The following MAGI3 variants were observed in gnomAD, a reference collection of about 807,000 sequenced individuals.
The protein encoded by MAGI3 is membrane associated guanylate kinase, WW and PDZ domain containing 3, also known as membrane-associated guanylate kinase, WW and PDZ domain-containing protein 3.
A neutral mutation model predicts 121.8 loss-of-function variants in MAGI3; 43 were observed. That is an observed-to-expected ratio of 0.35 (90% CI 0.28 to 0.46). The LOEUF (loss-of-function observed/expected upper bound fraction) is 0.46. Ranked by LOEUF, MAGI3 falls within the 20% of genes least tolerant of loss-of-function variation. The pLI is 1.00. For synonymous variants in MAGI3, 553 were observed against 639.3 expected (o/e 0.86, Z 2.04); for missense variants, 1,547 against 1,797.3 (o/e 0.86, Z 2.52).
intron 6 of MAGI3, among the ~76,000 whole-genome samples, chr1:113,604,545 G>A (rs1437640579): frequency 3.6e-5 from 4 of 110,934 alleles, no homozygotes; most frequent in Admixed American, 1.4e-4. Context: ...CCAGCCTGGC[G>A]ACAGAGTGAG....
intron 1 of MAGI3, among the ~76,000 whole-genome samples, chr1:113,496,376 G>A (rs1347216576): frequency 6.6e-6 from 1 of 152,142 alleles, no homozygotes; most frequent in Non-Finnish European, 1.5e-5. Flanking sequence ...AATTGGGAAT[G>A]CCAATTGATA....
At chr1:113,513,520 A>G (rs935604951) in intron 1 of MAGI3, among the ~76,000 whole-genome samples, 7 of 152,166 alleles carry the variant, frequency 4.6e-5, no homozygotes, top group African/African-American at 1.2e-4. Context: ...AAAACAAGCA[A>G]TGGGGAAAGG....
chr1:113,618,257 A>G (rs1228738830), intron 7 of MAGI3, among the ~76,000 whole-genome samples: 1 of 151,992 alleles, frequency 6.6e-6, no homozygotes, highest in East Asian at 1.9e-4. Flanking sequence ...ATATCGTTTG[A>G]GCCTGAGAGG....
At position 113,412,706 on chromosome 1, in the gene MAGI3, T is replaced by G. The variant is rs192310088; in HGVS notation, c.316+21357T>G. Among the ~76,000 whole-genome samples the G allele has an allele frequency of 2.1e-3, 314 of 150,716 alleles. 4 individuals are homozygous for G. Among genetic ancestry groups the G allele is most frequent in the African/African-American group, 7.3e-3 (305 of 41,534 alleles). On this transcript the variant is annotated intron_variant, in intron 1 of 20. Transcript: ENST00000307546. ...GTGTCTGTTCATATCCTCTGCCCGC[T>G]TTTTGGTGGGGTTTTTGTTTGTTTT...
intron 1 of MAGI3, among the ~76,000 whole-genome samples, chr1:113,446,018 A>G (rs996297219): frequency 2.6e-5 from 4 of 152,242 alleles, no homozygotes; most frequent in African/African-American, 4.8e-5. Flanking sequence ...TATTGTAACA[A>G]CAGTTTGTAA....
intron 6 of MAGI3, among the ~76,000 whole-genome samples, chr1:113,610,510 T>G (rs981138312): frequency 1.3e-5 from 2 of 152,162 alleles, no homozygotes; most frequent in African/African-American, 4.8e-5. Flanking sequence ...GGCCAAGAGC[T>G]TGTTATTTAT....
At chr1:113,414,590 G>C (rs1307487943) in intron 1 of MAGI3, among the ~76,000 whole-genome samples, 1 of 151,896 alleles carries the variant, frequency 6.6e-6, no homozygotes, top group African/African-American at 2.4e-5. Flanking sequence ...CACCTTCCTG[G>C]TTTAGTCTTC....
intron 1 of MAGI3, among the ~76,000 whole-genome samples, chr1:113,490,679 A>G (rs1656627376): frequency 6.6e-6 from 1 of 152,234 alleles, no homozygotes; most frequent in Non-Finnish European, 1.5e-5. Flanking sequence ...GGATGGAGAA[A>G]AATCTATCAA....
chr1:113,620,865 G>T (rs1167312249), intron 8 of MAGI3, among the ~76,000 whole-genome samples: 1 of 152,144 alleles, frequency 6.6e-6, no homozygotes, highest in Non-Finnish European at 1.5e-5. Flanking sequence ...TATAAAGTAG[G>T]AATAATAATG....
At chr1:113,465,984 C>T (rs946206175) in intron 1 of MAGI3, among the ~76,000 whole-genome samples, 1 of 151,930 alleles carries the variant, frequency 6.6e-6, no homozygotes, top group Admixed American at 6.6e-5. Context: ...GAATGTATGT[C>T]CTTTATTTCT....
chr1:113,627,299 GAT>G (rs1284893771), intron 9 of MAGI3, among the ~76,000 whole-genome samples: 1 of 151,776 alleles, frequency 6.6e-6, no homozygotes, highest in Non-Finnish European at 1.5e-5. Flanking sequence ...GAAGATACTT[GAT>G]ATAATTTTAA....
At chr1:113,560,981 A>G (rs1365722516) in intron 2 of MAGI3, among the ~76,000 whole-genome samples, 4 of 152,216 alleles carry the variant, frequency 2.6e-5, no homozygotes. Flanking sequence ...AAAATACTAT[A>G]AACACCTCTT....
At chr1:113,397,399 G>C (rs1266655599) in intron 1 of MAGI3, among the ~76,000 whole-genome samples, 3 of 152,110 alleles carry the variant, frequency 2.0e-5, no homozygotes, top group Non-Finnish European at 4.4e-5. Flanking sequence ...ACTTGTTTGG[G>C]TTTTGAAAGA....
At position 113,683,099 on chromosome 1, in the gene MAGI3, T is replaced by C. The variant is rs751435074; in HGVS notation, c.3531T>C (p.Asn1177=). Residue 1177 remains asparagine, a synonymous_variant, in exon 21 of 21, where the codon AAT becomes AAC. Transcript: ENST00000307546. The stretch of plus-strand genomic sequence containing the variant: ...AAAAGAAAAGCACTTTAAATGAAAA[T>C]CAGCCTGAGATAAAGCATCAGTCTC... The part of the protein sequence containing the change: ...VPEKKSTLNE[N]QPEIKHQSLL... 1.2e-6 allele frequency: 2 copies of C among 1,613,298 alleles called. No homozygotes were observed. The highest frequency in any genetic ancestry group is 2.2e-5 in the South Asian group (2 of 90,902).
intron 1 of MAGI3, among the ~76,000 whole-genome samples, chr1:113,472,800 A>G (rs908030530): frequency 1.3e-5 from 2 of 151,812 alleles, no homozygotes; most frequent in African/African-American, 4.8e-5. Context: ...ATAACAGTCT[A>G]TTTTAAACTG....
chr1:113,670,330 C>A (rs778193718), intron 16 of MAGI3, among the ~76,000 whole-genome samples: 16 of 152,178 alleles, frequency 1.1e-4, no homozygotes, highest in Non-Finnish European at 2.9e-5. Context: ...AGCAATTTAT[C>A]TGTGTTTTTA....
intron 1 of MAGI3, among the ~76,000 whole-genome samples, chr1:113,398,458 A>G (rs977583582): frequency 2.6e-5 from 4 of 152,158 alleles, no homozygotes; most frequent in African/African-American, 9.7e-5. Flanking sequence ...TACAATGTGA[A>G]CGGTAACCGA....
At position 113,680,714 on chromosome 1, in the gene MAGI3, G is replaced by A. The variant is rs1194566663; in HGVS notation, c.3190-484G>A. Among the ~76,000 whole-genome samples, 3 of 151,886 alleles carry A rather than the reference G, an allele frequency of 2.0e-5. No homozygotes were observed. The East Asian group carries it at 5.8e-4, about 30-fold the overall frequency. On this transcript the variant is annotated intron_variant, in intron 19 of 20. Transcript: ENST00000307546. ...GGAGCTTGCAGTGAGCCGAGGTCTC[G>A]CCACTGCACTCCAGCCTGGGCGACA...
At position 113,470,976 on chromosome 1, in the gene MAGI3, C is replaced by G. The variant is rs543046972; in HGVS notation, c.317-78539C>G. ...GTTGTGTGTGCTTTGAGCATCATAT[C>G]CAAAAAACTCATTGCCCAGACCAAT... On this transcript the variant is annotated intron_variant, in intron 1 of 20. Coordinates refer to ENST00000307546, the MANE Select transcript of MAGI3 (RefSeq NM_001142782.2). Among the ~76,000 whole-genome samples the G allele has an allele frequency of 1.5e-4, 23 of 152,238 alleles. No individual in the cohort carries two copies. The South Asian group carries it at 4.8e-3, about 32-fold the overall frequency.
Sources: gnomAD v4.1 joint callset for allele counts (sites outside exome capture counted in the v4.1 genomes callset) on GRCh38, gnomAD v4.1.1 for gene constraint, MANE v1.5 for transcripts, NCBI Gene and HGNC (gene_info 2026-07-23, HGNC 2026-07-21) for gene names.